Variants in HLF observed in about 807,000 individuals in gnomAD.
HLF encodes hepatic leukemia factor.
Under a neutral mutation model 22.6 loss-of-function variants are expected in HLF, and 3 were observed. The ratio of observed to expected loss-of-function variants is 0.13; its 90% CI spans 0.06 to 0.34. The LOEUF is 0.34. Among genes scored for constraint, HLF ranks in the 10% least tolerant of loss-of-function variants. The pLI is 1.00. For missense variants in HLF, 299 were observed against 389.2 expected (o/e 0.77, Z 1.95); for synonymous variants, 151 against 151.8 (o/e 0.99, Z 0.04).
At chr17:55,265,671 C>T (rs2080780947) in intron 1 of HLF, 72 bp downstream of exon 1, 1 of 1,212,982 alleles carries the variant, frequency 8.2e-7, no homozygotes, top group African/African-American at 1.6e-5. Context: ...CCGGGCACGC[C>T]CGCTGGAGCA....
chr17:55,323,162 G>GT lies in HLF; in HGVS notation c.*2283_*2284insT, dbSNP rs1905321978. On this transcript the variant is annotated 3_prime_UTR_variant, in exon 4 of 4. Transcript: ENST00000226067. ...AAGCTGTAGATAACAGCAAGAGATG[G>GT]GGGTGTATTGGAATTGCAATACATT... 1 of 217,096 alleles carries GT rather than the reference G, an allele frequency of 4.6e-6. No individual in the cohort carries two copies. Among genetic ancestry groups the GT allele is most frequent in the Admixed American group, 5.8e-5 (1 of 17,268 alleles). 13.4% of individuals were successfully genotyped at this position (217,096 alleles called of 1,614,324 possible).
intron 2 of HLF, among the ~76,000 whole-genome samples, chr17:55,270,517 A>G (rs893544731): frequency 5.3e-5 from 8 of 152,234 alleles, no homozygotes; most frequent in African/African-American, 1.7e-4. Context: ...ACCAGAATAG[A>G]AGTACCAAGT....
intron 2 of HLF, among the ~76,000 whole-genome samples, chr17:55,279,925 C>T (rs2080938537): frequency 6.6e-6 from 1 of 151,774 alleles, no homozygotes; most frequent in Non-Finnish European, 1.5e-5. Context: ...ATTTACCTGC[C>T]ACCAGAGAGG....
At chr17:55,285,931 C>T (rs1397914859) in intron 2 of HLF, among the ~76,000 whole-genome samples, 2 of 152,176 alleles carry the variant, frequency 1.3e-5, no homozygotes, top group Non-Finnish European at 2.9e-5. Flanking sequence ...TGAGGTGATC[C>T]AGCTAAATGT....
At position 55,321,765 on chromosome 17, in the gene HLF, A is replaced by G. The variant is rs1407092328; in HGVS notation, c.*886A>G. 4.3e-6 allele frequency: 1 copy of G among 230,972 alleles called. No individual in the cohort carries two copies. Among genetic ancestry groups the G allele is most frequent in the Non-Finnish European group, 8.6e-6 (1 of 116,492 alleles). The allele number at this position is 230,972 out of a possible 1,614,324, so 14.3% of individuals were successfully genotyped here. ...CCCTAGGACAAGGAAGCAGAGGGAA[A>G]TGGGAGGTCTAAGGATGAGGGGTTA... On this transcript the variant is annotated 3_prime_UTR_variant, in exon 4 of 4. Transcript: ENST00000226067.
chr17:55,315,892 G>A (rs921942586), intron 3 of HLF, among the ~76,000 whole-genome samples: 1 of 152,194 alleles, frequency 6.6e-6, no homozygotes, highest in African/African-American at 2.4e-5. Context: ...TGTAGGCTGC[G>A]AGGAATAACA....
rs373758174 is a variant in HLF at position 55,300,480 on chromosome 17, A to T, written c.452-14747A>T. Among the ~76,000 whole-genome samples, 20 of 152,342 alleles carry T rather than the reference A, an allele frequency of 1.3e-4. No individual in the cohort carries two copies. The East Asian group carries it at 2.1e-3, about 16-fold the overall frequency. On this transcript the variant is annotated intron_variant, in intron 2 of 3. Coordinates refer to ENST00000226067, the MANE Select transcript of HLF (RefSeq NM_002126.5). ...ATTGGTATATGAAGCTGAGATCCAC[A>T]TGCTCTAGGCTTCTTCATCTGGGCA... is the stretch of plus-strand genomic sequence containing the variant.
chr17:55,316,970 T>TC (rs1407468862), intron 3 of HLF, among the ~76,000 whole-genome samples: 1 of 133,396 alleles, frequency 7.5e-6, no homozygotes, highest in Non-Finnish European at 1.6e-5. Flanking sequence ...ATGGTGTTTT[T>TC]TTTTTTTTTT....
chr17:55,266,919 T>G, intron 1 of HLF: 11 of 470,938 alleles, frequency 2.3e-5, no homozygotes, highest in East Asian at 1.5e-4. Context: ...CCAATAGCTC[T>G]GCTTTTGAAA....
chr17:55,301,670 C>T (rs1258997474), intron 2 of HLF, among the ~76,000 whole-genome samples: 1 of 152,198 alleles, frequency 6.6e-6, no homozygotes, highest in East Asian at 1.9e-4. Context: ...AACAATATGC[C>T]TCCCTGTGGA....
At position 55,320,927 on chromosome 17, in the gene HLF, C is replaced by G. The variant is rs755994491; in HGVS notation, c.*48C>G. The G allele has an allele frequency of 1.4e-6, 2 of 1,473,500 alleles. No homozygotes were observed. The highest frequency in any genetic ancestry group is 1.9e-6 in the Non-Finnish European group (2 of 1,069,862). 91.3% of individuals were successfully genotyped at this position (1,473,500 alleles called of 1,614,324 possible). On this transcript the variant is annotated 3_prime_UTR_variant, in exon 4 of 4. Transcript: ENST00000226067. The surrounding 1 kb of genome is among the most constrained non-coding windows in gnomAD (Gnocchi z 4.2). ...TTTGGAATAGATGGACAGTTTGTTTCCTGTCTGATAGCACCACACGCAAAC... is the reference window on the plus strand; with the variant it reads ...TTTGGAATAGATGGACAGTTTGTTTGCTGTCTGATAGCACCACACGCAAAC...
At chr17:55,293,901 G>T (rs980241279) in intron 2 of HLF, among the ~76,000 whole-genome samples, 2 of 152,126 alleles carry the variant, frequency 1.3e-5, no homozygotes, top group Admixed American at 1.3e-4. Flanking sequence ...AGGAGGAAAG[G>T]AGCAACATAT....
At chr17:55,270,804 C>T (rs183519130) in intron 2 of HLF, among the ~76,000 whole-genome samples, 8 of 152,106 alleles carry the variant, frequency 5.3e-5, no homozygotes, top group Admixed American at 3.3e-4. Context: ...CCACCACGCC[C>T]GGCTAATTTT....
chr17:55,314,460 T>C (rs4074387), intron 2 of HLF, among the ~76,000 whole-genome samples: 2 of 152,346 alleles, frequency 1.3e-5, no homozygotes, highest in South Asian at 4.1e-4. Context: ...CTGATTCTTC[T>C]TTCCAAACAT....
rs930951997 is a variant in HLF at position 55,324,271 on chromosome 17, T to G, written c.*3392T>G. The G allele has an allele frequency of 2.2e-5, 5 of 226,546 alleles. No individual in the cohort carries two copies. Among genetic ancestry groups the G allele is most frequent in the African/African-American group, 1.1e-4 (5 of 44,912 alleles). 14.0% of individuals were successfully genotyped at this position (226,546 alleles called of 1,614,324 possible). On this transcript the variant is annotated 3_prime_UTR_variant, in exon 4 of 4. Transcript: ENST00000226067. ...TGTACTAGACCACCCAGAGGTTCCT[T>G]CTAACCCACTGGTTTGGTGGGGAAC...
In HLF at chr17:55,268,705, G is replaced by A. The variant is rs146535022; in HGVS notation, c.451+619G>A. ...TTCAGGACCAGACTCCATCTCTCTC[G>A]TTGCTATTCCCATAAACCCAACTGT... is the stretch of plus-strand genomic sequence containing the variant. On this transcript the variant is annotated intron_variant, in intron 2 of 3. Coordinates refer to ENST00000226067, the MANE Select transcript of HLF (RefSeq NM_002126.5). Among the ~76,000 whole-genome samples, 937 of 149,152 alleles carry A rather than the reference G, an allele frequency of 6.3e-3. 4 individuals are homozygous for A. The highest frequency in any genetic ancestry group is 0.014 in the Middle Eastern group (4 of 284).
At chr17:55,296,030 A>G (rs2081109047) in intron 2 of HLF, among the ~76,000 whole-genome samples, 1 of 152,366 alleles carries the variant, frequency 6.6e-6, no homozygotes, top group Admixed American at 6.5e-5. Context: ...TGGGGCATAA[A>G]TAGTCCTTAG....
chr17:55,324,784 T>C lies in HLF; in HGVS notation c.*3905T>C. 1 of 228,972 alleles carries C rather than the reference T, an allele frequency of 4.4e-6. No homozygotes were observed. The highest frequency in any genetic ancestry group is 8.6e-6 in the Non-Finnish European group (1 of 116,432). 14.2% of individuals were successfully genotyped at this position (228,972 alleles called of 1,614,324 possible). Reference sequence around the variant, plus strand: ...TCAATACATTTTGCAGGAGGCTAAGTGTAAGAGTGTGTGTGTGTGTGTGTG... The same window carrying C: ...TCAATACATTTTGCAGGAGGCTAAGCGTAAGAGTGTGTGTGTGTGTGTGTG... On this transcript the variant is annotated 3_prime_UTR_variant, in exon 4 of 4. Coordinates refer to ENST00000226067, the MANE Select transcript of HLF (RefSeq NM_002126.5).
intron 2 of HLF, among the ~76,000 whole-genome samples, chr17:55,302,276 G>C (rs1904332869): frequency 6.6e-6 from 1 of 152,242 alleles, no homozygotes; most frequent in Non-Finnish European, 1.5e-5. Flanking sequence ...GTGAACGTTA[G>C]TGGAAGAGAT....
Sources: allele counts gnomAD v4.1 joint callset (sites outside exome capture counted in the v4.1 genomes callset), GRCh38; gene constraint gnomAD v4.1.1; non-coding constraint Gnocchi (gnomAD v3.1); transcripts MANE v1.5; gene names NCBI Gene and HGNC (gene_info 2026-07-23, HGNC 2026-07-21).